SLC35D4: variants seen among roughly 807,000 people sequenced by gnomAD.
The protein encoded by SLC35D4 is solute carrier family 35 member D4.
the SLC35D4 span, among the ~76,000 whole-genome samples, chr18:23,387,535 TC>T: frequency 9.9e-5 from 15 of 152,200 alleles, no homozygotes; most frequent in Admixed American, 9.8e-4. Context: ...GGTAAACTGC[TC>T]CAGTTTAGAG....
chr18:23,417,004 G>T, the SLC35D4 span, among the ~76,000 whole-genome samples: 4 of 152,178 alleles, frequency 2.6e-5, no homozygotes, highest in African/African-American at 9.7e-5. Flanking sequence ...CACTTTGGGA[G>T]GCTGAGAGGG....
At chr18:23,397,109 A>C in the SLC35D4 span, among the ~76,000 whole-genome samples, 18 of 151,440 alleles carry the variant, frequency 1.2e-4, no homozygotes, top group African/African-American at 4.1e-4. Context: ...CGGCGGGGGG[A>C]GGGTAAAGCA....
the SLC35D4 span, among the ~76,000 whole-genome samples, chr18:23,423,933 G>A: frequency 2.6e-5 from 4 of 152,266 alleles, no homozygotes; most frequent in Admixed American, 6.5e-5. Context: ...GAAGGACCAC[G>A]TCAATCATAA....
At chr18:23,318,060 T>C in the SLC35D4 span, among the ~76,000 whole-genome samples, 1 of 152,148 alleles carries the variant, frequency 6.6e-6, no homozygotes, top group Non-Finnish European at 1.5e-5. Context: ...TTATAGAAAA[T>C]TTTAAATGTC....
the SLC35D4 span, among the ~76,000 whole-genome samples, chr18:23,285,919 C>T: frequency 2.6e-5 from 4 of 151,550 alleles, no homozygotes; most frequent in African/African-American, 7.3e-5. Context: ...CCAAATCAGA[C>T]GGCGTTTAGG....
chr18:23,392,181 A>G, the SLC35D4 span, among the ~76,000 whole-genome samples: 1 of 151,602 alleles, frequency 6.6e-6, no homozygotes, highest in South Asian at 2.1e-4. Flanking sequence ...CAGGTGATCC[A>G]CCTGCCTTGG....
chr18:23,328,722 A>G, the SLC35D4 span, among the ~76,000 whole-genome samples: 7 of 152,192 alleles, frequency 4.6e-5, no homozygotes, highest in Non-Finnish European at 8.8e-5. Context: ...GTTCATATGG[A>G]ATCAAAAAAG....
chr18:23,305,711 C>T, the SLC35D4 span, among the ~76,000 whole-genome samples: 1 of 152,144 alleles, frequency 6.6e-6, no homozygotes, highest in African/African-American at 2.4e-5. Context: ...GCAGGAAATG[C>T]CCCCACTGGC....
the SLC35D4 span, among the ~76,000 whole-genome samples, chr18:23,424,100 T>C: frequency 2.6e-5 from 4 of 152,088 alleles, no homozygotes; most frequent in Non-Finnish European, 1.5e-5. Flanking sequence ...GGAGTTTTTA[T>C]AGTAATTGGA....
chr18:23,247,247 A>T, the SLC35D4 span, among the ~76,000 whole-genome samples: 3 of 152,258 alleles, frequency 2.0e-5, no homozygotes, highest in Non-Finnish European at 4.4e-5. Context: ...GTGCCGGAGA[A>T]TCATGACCTC....
the SLC35D4 span, among the ~76,000 whole-genome samples, chr18:23,411,196 G>A: frequency 4.4e-5 from 6 of 136,536 alleles, no homozygotes; most frequent in African/African-American, 1.6e-4. Context: ...AGGAGAGAAA[G>A]AGAAGGAAGG....
At chr18:23,355,771 T>G in the SLC35D4 span, among the ~76,000 whole-genome samples, 1 of 152,130 alleles carries the variant, frequency 6.6e-6, no homozygotes, top group Non-Finnish European at 1.5e-5. Flanking sequence ...ATTGTATTTA[T>G]AGTCAACCTG....
chr18:23,327,427 C>T, the SLC35D4 span, among the ~76,000 whole-genome samples: 23 of 152,194 alleles, frequency 1.5e-4, no homozygotes, highest in Admixed American at 5.9e-4. Context: ...AACACCTCTA[C>T]GCAAATAAAC....
the SLC35D4 span, among the ~76,000 whole-genome samples, chr18:23,255,726 ATTTT>A: frequency 6.6e-6 from 1 of 151,482 alleles, no homozygotes; most frequent in African/African-American, 2.4e-5. Context: ...CGCCTGGCTA[ATTTT>A]TTTTATTTTT....
At chr18:23,350,255 T>C in the SLC35D4 span, among the ~76,000 whole-genome samples, 2 of 152,232 alleles carry the variant, frequency 1.3e-5, no homozygotes, top group Non-Finnish European at 2.9e-5. Flanking sequence ...AATTTTTTTC[T>C]TGTTTTTATT....
the SLC35D4 span, among the ~76,000 whole-genome samples, chr18:23,266,346 G>T: frequency 6.9e-6 from 1 of 144,148 alleles, no homozygotes; most frequent in Non-Finnish European, 1.5e-5. Flanking sequence ...CTGGCATACA[G>T]TAGGCACTCA....
chr18:23,298,900 C>T, the SLC35D4 span, among the ~76,000 whole-genome samples: 5 of 152,340 alleles, frequency 3.3e-5, no homozygotes, highest in African/African-American at 1.2e-4. Flanking sequence ...GCCCTTCATA[C>T]GCTCACCTGC....
the SLC35D4 span, among the ~76,000 whole-genome samples, chr18:23,249,223 T>C: frequency 6.6e-6 from 1 of 152,240 alleles, no homozygotes; most frequent in Admixed American, 6.5e-5. Context: ...GAATCCTAGC[T>C]GCAAAGGAGT....
At chr18:23,242,314 A>G in the SLC35D4 span, among the ~76,000 whole-genome samples, 2 of 152,124 alleles carry the variant, frequency 1.3e-5, no homozygotes, top group African/African-American at 2.4e-5. Context: ...TGCAAAACAA[A>G]TTGCAGCTGG....
Sources: allele counts gnomAD v4.1 joint callset (sites outside exome capture counted in the v4.1 genomes callset), GRCh38; gene constraint gnomAD v4.1.1; transcripts MANE v1.5; gene names NCBI Gene and HGNC (gene_info 2026-07-23, HGNC 2026-07-21).